SRGAP3: variants seen among roughly 807,000 people sequenced by gnomAD.
SRGAP3 encodes the protein SLIT-ROBO Rho GTPase activating protein 3, also known as SLIT-ROBO Rho GTPase-activating protein 3.
SRGAP3 carries 39 observed loss-of-function variants against 121.1 expected under a neutral mutation model. The observed-to-expected ratio is 0.32, with a 90% CI of 0.25 to 0.42. The LOEUF is 0.42. Ranked by LOEUF, SRGAP3 falls within the 10% of genes least tolerant of loss-of-function variation. The probability of loss-of-function intolerance (pLI) is 1.00; values close to 1 mark genes in which losing one functional copy is unlikely to be tolerated. For synonymous variants in SRGAP3, 601 were observed against 570.0 expected (o/e 1.05, Z -0.77); for missense variants, 1,213 against 1,470.6 (o/e 0.82, Z 2.86).
chr3:9,250,491 C>T (rs1203789222), upstream of SRGAP3, among the ~76,000 whole-genome samples: 2 of 152,064 alleles, frequency 1.3e-5, no homozygotes, highest in Non-Finnish European at 2.9e-5. Flanking sequence ...CAAAAATAAG[C>T]ACAGTAAGTA....
chr3:9,194,956 G>A (rs1951873157), intron 1 of SRGAP3, among the ~76,000 whole-genome samples: 1 of 152,212 alleles, frequency 6.6e-6, no homozygotes, highest in African/African-American at 2.4e-5. Flanking sequence ...CCCAGCTGAT[G>A]AGGGAGATTA....
chr3:9,130,013 C>T (rs142267833), intron 1 of SRGAP3, among the ~76,000 whole-genome samples: 4,733 of 152,162 alleles, frequency 0.031, 226 homozygotes, highest in African/African-American at 0.11. Context: ...CTGCCCACCT[C>T]GGCCTCCCAA....
chr3:9,005,984 G>T (rs567490219), intron 18 of SRGAP3, among the ~76,000 whole-genome samples: 1 of 152,276 alleles, frequency 6.6e-6, no homozygotes, highest in African/African-American at 2.4e-5. Flanking sequence ...GTCCTTCGTA[G>T]GTATAAGGCC....
At chr3:9,026,790 A>AGCTGCTCTTCTGAGT in intron 13 of SRGAP3, 145 bp downstream of exon 13, 2 of 862,596 alleles carry the variant, frequency 2.3e-6, no homozygotes, top group Non-Finnish European at 3.9e-6. Context: ...TCAGAAGAGC[A>AGCTGCTCTTCTGAGT]GCTGCTGTGT....
chr3:9,013,714 G>C, intron 16 of SRGAP3, 23 bp downstream of exon 16: 1 of 1,613,224 alleles, frequency 6.2e-7, no homozygotes, highest in East Asian at 2.2e-5. Context: ...AGTCAAAAAG[G>C]GGCCCCTTGG....
chr3:9,128,160 A>G (rs1472429284), intron 1 of SRGAP3, among the ~76,000 whole-genome samples: 1 of 152,274 alleles, frequency 6.6e-6, no homozygotes, highest in Non-Finnish European at 1.5e-5. Context: ...TGTACACCTT[A>G]AAGTTTGATA....
chr3:9,212,699 G>A (rs1952487106), intron 1 of SRGAP3, among the ~76,000 whole-genome samples: 1 of 152,202 alleles, frequency 6.6e-6, no homozygotes, highest in African/African-American at 2.4e-5. Flanking sequence ...TGGTGACAGA[G>A]AGAGACTCCG....
chr3:9,125,002 C>A (rs1371210393), intron 1 of SRGAP3, 85 bp from the exon 2 acceptor site: 8 of 1,505,054 alleles, frequency 5.3e-6, no homozygotes, highest in East Asian at 2.3e-5. Context: ...CTGGGCCCTG[C>A]AATTCAGGCA....
chr3:9,257,979 A>G (rs1461777567), intron 3 of SRGAP3, among the ~76,000 whole-genome samples: 1 of 152,162 alleles, frequency 6.6e-6, no homozygotes, highest in African/African-American at 2.4e-5. Context: ...CTGGGATTAT[A>G]GGCATAAGCC....
intron 3 of SRGAP3, among the ~76,000 whole-genome samples, chr3:9,299,482 A>G (rs1490736775): frequency 6.6e-6 from 1 of 152,166 alleles, no homozygotes; most frequent in Non-Finnish European, 1.5e-5. Flanking sequence ...TGGAAGAACA[A>G]CCCAGCTGAG....
chr3:9,280,370 GC>G (rs1321724156), intron 3 of SRGAP3, among the ~76,000 whole-genome samples: 3 of 152,196 alleles, frequency 2.0e-5, no homozygotes, highest in Non-Finnish European at 4.4e-5. Context: ...CTGTGCTGCC[GC>G]CCCCACGCAC....
intron 1 of SRGAP3, among the ~76,000 whole-genome samples, chr3:9,177,113 A>T (rs422810): frequency 6.6e-6 from 1 of 151,882 alleles, no homozygotes; most frequent in African/African-American, 2.4e-5. Context: ...AAACTTCAGG[A>T]AAAATCGTGT....
At chr3:9,110,958 C>T (rs1948602306) in intron 2 of SRGAP3, among the ~76,000 whole-genome samples, 1 of 152,262 alleles carries the variant, frequency 6.6e-6, no homozygotes, top group Admixed American at 6.5e-5. Flanking sequence ...TAGCTGTGGA[C>T]TCCGGGCAGG....
intron 2 of SRGAP3, among the ~76,000 whole-genome samples, chr3:9,120,724 T>A (rs903834934): frequency 6.6e-6 from 1 of 152,220 alleles, no homozygotes; most frequent in Non-Finnish European, 1.5e-5. Flanking sequence ...AGCAAGGATG[T>A]CAGAGTGCTT....
At chr3:9,040,936 G>A (rs1248428835) in intron 10 of SRGAP3, among the ~76,000 whole-genome samples, 1 of 152,220 alleles carries the variant, frequency 6.6e-6, no homozygotes, top group Non-Finnish European at 1.5e-5. Flanking sequence ...GTGAGAGAAG[G>A]AATCTTGTCA....
intron 3 of SRGAP3, among the ~76,000 whole-genome samples, chr3:9,084,880 G>C (rs917725409): frequency 5.9e-5 from 9 of 152,020 alleles, no homozygotes; most frequent in African/African-American, 2.2e-4. Context: ...CTTGAATTTT[G>C]AGTCAAGCTA....
chr3:9,172,091 TTC>T (rs1951002525), intron 1 of SRGAP3, among the ~76,000 whole-genome samples: 2 of 103,824 alleles, frequency 1.9e-5, no homozygotes, highest in African/African-American at 5.6e-5. Context: ...ACTTTTTCTT[TTC>T]TTTTTTTTTT....
intron 18 of SRGAP3, among the ~76,000 whole-genome samples, chr3:8,995,886 A>G (rs1270359723): frequency 1.3e-5 from 2 of 152,344 alleles, no homozygotes; most frequent in Middle Eastern, 3.4e-3. Flanking sequence ...CAGAAGAGTA[A>G]CAAAAGCAAC....
At chr3:9,155,391 G>A (rs568331201) in intron 1 of SRGAP3, among the ~76,000 whole-genome samples, 2 of 152,218 alleles carry the variant, frequency 1.3e-5, no homozygotes, top group African/African-American at 4.8e-5. Flanking sequence ...ATTTATTTTT[G>A]TCACTCATGG....
Sources: gnomAD v4.1 joint callset for allele counts (sites outside exome capture counted in the v4.1 genomes callset) on GRCh38, gnomAD v4.1.1 for gene constraint, MANE v1.5 for transcripts, NCBI Gene and HGNC (gene_info 2026-07-23, HGNC 2026-07-21) for gene names.